The following PTP4A1 variants were observed in gnomAD, a reference collection of about 807,000 sequenced individuals.
PTP4A1 encodes the protein protein tyrosine phosphatase 4A1, also known as protein tyrosine phosphatase type IVA 1.
In PTP4A1, 9 loss-of-function variants were observed where a neutral mutation model predicts 20.5. The observed-to-expected ratio is 0.44, with a 90% CI of 0.26 to 0.77. The LOEUF (loss-of-function observed/expected upper bound fraction) is 0.77, where lower values mean the gene tolerates loss of function less well. PTP4A1 is among the 30% of genes least tolerant of loss of function. PTP4A1 has a pLI of 0.19. For missense variants in PTP4A1, 137 were observed against 218.8 expected, an observed-to-expected ratio of 0.63 and a Z score of 2.36; for synonymous variants, 78 against 67.4, an observed-to-expected ratio of 1.16 and a Z score of -0.77.
intron 1 of PTP4A1, among the ~76,000 whole-genome samples, chr6:63,524,178 T>G (rs1176512864): frequency 6.6e-6 from 1 of 151,952 alleles, no homozygotes; most frequent in African/African-American, 2.4e-5. Context: ...AGAGATGGAG[T>G]TTTACCCTCT....
chr6:63,543,002 T>C (rs754734496), intron 2 of PTP4A1, among the ~76,000 whole-genome samples: 8 of 152,178 alleles, frequency 5.3e-5, no homozygotes, highest in Non-Finnish European at 7.4e-5. Context: ...TTTAGAATAG[T>C]ATAATGAGTT....
chr6:63,530,713 G>A (rs1165196412), intron 2 of PTP4A1, among the ~76,000 whole-genome samples: 1 of 152,064 alleles, frequency 6.6e-6, no homozygotes, highest in Non-Finnish European at 1.5e-5. Context: ...TGATCAGAAG[G>A]AAGTACATCA....
intron 2 of PTP4A1, 104 bp downstream of exon 2, chr6:63,577,089 C>G (rs1292756923): frequency 1.2e-6 from 1 of 803,566 alleles, no homozygotes; most frequent in Non-Finnish European, 2.0e-6. Flanking sequence ...GATGATATAC[C>G]TACAATTCCA....
intron 2 of PTP4A1, among the ~76,000 whole-genome samples, chr6:63,538,881 ATATT>A (rs917350873): frequency 1.3e-5 from 2 of 151,984 alleles, no homozygotes; most frequent in South Asian, 4.1e-4. Context: ...AGAAGTAATA[ATATT>A]TATTTATTTA....
intron 3 of PTP4A1, among the ~76,000 whole-genome samples, chr6:63,559,925 C>T (rs1398109556): frequency 6.6e-6 from 1 of 152,026 alleles, no homozygotes; most frequent in East Asian, 1.9e-4. Context: ...CCGTGCCTGG[C>T]CAGATGGTGT....
At position 63,581,863 on chromosome 6, in the gene PTP4A1, T is replaced by C. The variant is rs1442857123; in HGVS notation, c.*1689T>C. On this transcript the variant is annotated 3_prime_UTR_variant, in exon 6 of 6. Transcript: ENST00000626021. ...AATTTAAATATTAGTATTTGGTACA[T>C]GAAGGCTTAATGTTAAGTTTCCTTT... 1.3e-5 allele frequency: 2 copies of C among 152,194 alleles called. No homozygotes were observed. Among genetic ancestry groups the C allele is most frequent in the African/African-American group, 2.4e-5 (1 of 41,472 alleles). 9.4% of individuals were successfully genotyped at this position (152,194 alleles called of 1,614,324 possible). A position where few individuals can be genotyped will look rare whatever the true frequency, so the allele number is the denominator to read the frequency against.
rs980343575 is a variant in PTP4A1, at chr6:63,549,031, C to T, written c.-639-1269C>T. ...ACAACCAGCTCGATGGGATCCACGT[C>T]GTGTGCAATCACCACCGGCTGAGCT... On this transcript the variant is annotated intron_variant, in intron 2 of 3. Coordinates refer to the PTP4A1 transcript ENST00000639568. 5.4e-5 allele frequency: 39 copies of T among 726,894 alleles called. 1 individual carries two copies. The highest frequency in any genetic ancestry group is 4.5e-4 in the South Asian group (31 of 69,448). 45.0% of individuals were successfully genotyped at this position (726,894 alleles called of 1,614,324 possible). A position where few individuals can be genotyped will look rare whatever the true frequency, so the allele number is the denominator to read the frequency against.
chr6:63,572,323 G>C (rs957046345), upstream of PTP4A1: 4 of 247,354 alleles, frequency 1.6e-5, no homozygotes, highest in African/African-American at 6.7e-5. Context: ...TCATCAACCG[G>C]TTCACACCGG....
At chr6:63,564,047 G>A (rs1053567484) in intron 3 of PTP4A1, among the ~76,000 whole-genome samples, 1 of 152,192 alleles carries the variant, frequency 6.6e-6, no homozygotes, top group Non-Finnish European at 1.5e-5. Flanking sequence ...GGCCAAGGCA[G>A]GCGGATCATT....
At position 63,580,888 on chromosome 6, in the gene PTP4A1, T is replaced by C. The variant is rs1412853011; in HGVS notation, c.*714T>C. On this transcript the variant is annotated 3_prime_UTR_variant, in exon 6 of 6. Transcript: ENST00000626021. The stretch of plus-strand genomic sequence containing the variant: ...ACAAAAAAGCCTTACATTAATTTAA[T>C]GTTTGCACTCTGAGGTGCAACTTAA... The C allele has an allele frequency of 6.6e-6, 1 of 152,624 alleles. No homozygotes were observed. The highest frequency in any genetic ancestry group is 2.4e-5 in the African/African-American group (1 of 41,450). 9.5% of individuals were successfully genotyped at this position (152,624 alleles called of 1,614,324 possible).
At chr6:63,517,577 G>C (rs1265497896), upstream of PTP4A1, among the ~76,000 whole-genome samples, 1 of 151,820 alleles carries the variant, frequency 6.6e-6, no homozygotes, top group Non-Finnish European at 1.5e-5. Context: ...TTTTGTAAAG[G>C]GAAATACACT....
chr6:63,580,236 A>AGG lies in PTP4A1; in HGVS notation c.*62_*63insGG. Reference sequence around the variant, plus strand: ...AGATAGGGCCTAATTTGTTATACATATTAGCCAACATGTTGGCTTAGTAAG... The same window carrying AGG: ...AGATAGGGCCTAATTTGTTATACATAGGTTAGCCAACATGTTGGCTTAGTAAG... On this transcript the variant is annotated 3_prime_UTR_variant, in exon 6 of 6. Coordinates refer to ENST00000626021, the MANE Select transcript of PTP4A1 (RefSeq NM_003463.5). 7.8e-7 allele frequency: 1 copy of AGG among 1,281,304 alleles called. No homozygotes were observed. Among genetic ancestry groups the AGG allele is most frequent in the Non-Finnish European group, 1.1e-6 (1 of 884,214 alleles). The allele number at this position is 1,281,304 out of a possible 1,614,324, so 79.4% of individuals were successfully genotyped here.
chr6:63,543,141 G>A (rs938798517), intron 2 of PTP4A1, among the ~76,000 whole-genome samples: 4 of 152,096 alleles, frequency 2.6e-5, no homozygotes, highest in Non-Finnish European at 5.9e-5. Context: ...AAATTAGAGT[G>A]CTCCTTTGAA....
chr6:63,518,103 GAT>G (rs1045393372), upstream of PTP4A1, among the ~76,000 whole-genome samples: 17 of 142,300 alleles, frequency 1.2e-4, no homozygotes, highest in African/African-American at 4.3e-4. Context: ...TGTGAGCCCA[GAT>G]AGTACCATAT....
chr6:63,533,324 G>A (rs1183487886), intron 2 of PTP4A1, among the ~76,000 whole-genome samples: 5 of 152,168 alleles, frequency 3.3e-5, no homozygotes, highest in Admixed American at 2.6e-4. Context: ...AGAGGTTACA[G>A]TGAGCCAAGA....
intron 2 of PTP4A1, among the ~76,000 whole-genome samples, chr6:63,537,876 A>G (rs1775790195): frequency 6.6e-6 from 1 of 152,214 alleles, no homozygotes; most frequent in South Asian, 2.1e-4. Flanking sequence ...CCGTAGTGAG[A>G]GAGAAGTTGG....
At chr6:63,537,264 T>TA (rs1775767343) in intron 2 of PTP4A1, among the ~76,000 whole-genome samples, 1 of 152,188 alleles carries the variant, frequency 6.6e-6, no homozygotes, top group South Asian at 2.1e-4. Context: ...TGGGAATTGT[T>TA]AGAATGCAAA....
chr6:63,518,122 C>T (rs1345957159), upstream of PTP4A1, among the ~76,000 whole-genome samples: 4 of 148,814 alleles, frequency 2.7e-5, no homozygotes, highest in Non-Finnish European at 5.9e-5. Flanking sequence ...ATATCGCACT[C>T]CAGCCTGGGC....
intron 2 of PTP4A1, among the ~76,000 whole-genome samples, chr6:63,534,485 A>C (rs1220335781): frequency 6.7e-6 from 1 of 149,552 alleles, no homozygotes; most frequent in Admixed American, 6.7e-5. Flanking sequence ...ACACACACAC[A>C]CCTCTAAAAC....
Sources: gnomAD v4.1 joint callset for allele counts (sites outside exome capture counted in the v4.1 genomes callset) on GRCh38, gnomAD v4.1.1 for gene constraint, MANE v1.5 for transcripts, NCBI Gene and HGNC (gene_info 2026-07-23, HGNC 2026-07-21) for gene names.